METTL8: variants seen among roughly 807,000 people sequenced by gnomAD.
METTL8 encodes tRNA N(3)-cytidine methyltransferase METTL8, mitochondrial.
Under a neutral mutation model 48.7 loss-of-function variants are expected in METTL8, and 32 were observed. The ratio of observed to expected loss-of-function variants is 0.66; its 90% CI spans 0.50 to 0.88. METTL8 has a LOEUF of 0.88. METTL8 is among the 40% of genes least tolerant of loss of function. The pLI is 0.00. For missense variants in METTL8, 464 were observed against 474.4 expected, an observed-to-expected ratio of 0.98 and a Z score of 0.20; for synonymous variants, 136 against 157.1, an observed-to-expected ratio of 0.87 and a Z score of 1.01.
At chr2:171,434,686 C>T, upstream of METTL8, 2 of 1,500,114 alleles carry the variant, frequency 1.3e-6, no homozygotes, top group Non-Finnish European at 1.8e-6. Context: ...GGGCATCCTG[C>T]GGGCGCTGGT....
In METTL8 at chr2:171,385,409, A is replaced by C. The variant is rs1159103191; in HGVS notation, c.143+6634T>G. Among the ~76,000 whole-genome samples the C allele has an allele frequency of 2.0e-5, 3 of 152,214 alleles. No individual in the cohort carries two copies. In the East Asian group the frequency reaches 5.8e-4, roughly 29 times the overall value. On this transcript the variant is annotated intron_variant, in intron 2 of 9. Transcript: ENST00000375258. The stretch of plus-strand genomic sequence containing the variant: ...AATATAAAGGAGAAAATAAGGAAGA[A>C]AACAAAAACTTCTGAACAGAATTTT...
At chr2:171,430,374 A>C (rs1160646689) in intron 1 of METTL8, among the ~76,000 whole-genome samples, 1 of 151,972 alleles carries the variant, frequency 6.6e-6, no homozygotes, top group Non-Finnish European at 1.5e-5. Context: ...AAAAAACAAA[A>C]AAAAAAGGGA....
chr2:171,377,352 A>AAAAATAAATATAAC (rs1687078296), intron 2 of METTL8, among the ~76,000 whole-genome samples: 1 of 152,160 alleles, frequency 6.6e-6, no homozygotes, highest in Non-Finnish European at 1.5e-5. Flanking sequence ...TATAACAACA[A>AAAAATAAATATAAC]AAAATAAATA....
At chr2:171,428,652 G>A (rs950384074) in intron 1 of METTL8, among the ~76,000 whole-genome samples, 1 of 152,186 alleles carries the variant, frequency 6.6e-6, no homozygotes, top group Non-Finnish European at 1.5e-5. Context: ...GCCCAGGTTA[G>A]TTGAGAAGAC....
rs758422964 is a variant in METTL8, at chr2:171,360,513, C to T, written c.144G>A (p.Trp48Ter). 3 of 1,609,054 alleles carry T rather than the reference C, an allele frequency of 1.9e-6. No individual in the cohort carries two copies. The highest frequency in any genetic ancestry group is 2.5e-6 in the Non-Finnish European group (3 of 1,178,762). ...DPAKVFEHNM[W>*]DHMQWSKEEE... Reference sequence around the variant, plus strand: ...CTTCCTTAGACCACTGCATGTGATCCCTATTAAAAAAAAATAGACTGTAAA... The same window carrying T: ...CTTCCTTAGACCACTGCATGTGATCTCTATTAAAAAAAAATAGACTGTAAA... Residue 48 changes from tryptophan (W) to a stop codon, truncating the protein, a stop_gained and splice_region_variant, in exon 3 of 10, where the codon TGG becomes TGA. Coordinates refer to ENST00000375258, the MANE Select transcript of METTL8 (RefSeq NM_001321154.2). LOFTEE classifies it high-confidence loss of function.
At chr2:171,363,814 A>ATATATATGTATATATATATATATATC (rs1450355003) in intron 2 of METTL8, among the ~76,000 whole-genome samples, 2 of 131,182 alleles carry the variant, frequency 1.5e-5, no homozygotes, top group African/African-American at 5.5e-5. Flanking sequence ...ATATATATAT[A>ATATATATGTATATATATATATATATC]TCTTTTTTTT....
intron 1 of METTL8, among the ~76,000 whole-genome samples, chr2:171,415,985 G>C (rs1268421814): frequency 2.0e-5 from 3 of 152,194 alleles, no homozygotes; most frequent in African/African-American, 7.2e-5. Flanking sequence ...AAGGGTAACA[G>C]GAGAATGTGG....
At chr2:171,331,930 G>A in intron 5 of METTL8, 63 bp from the exon 6 acceptor site, 2 of 1,256,820 alleles carry the variant, frequency 1.6e-6, no homozygotes, top group Non-Finnish European at 2.3e-6. Flanking sequence ...CTGTTGCCCA[G>A]GTTGGAGTGT....
At chr2:171,333,574 A>T (rs1226027287) in intron 5 of METTL8, among the ~76,000 whole-genome samples, 1 of 152,262 alleles carries the variant, frequency 6.6e-6, no homozygotes, top group Non-Finnish European at 1.5e-5. Context: ...GTTAAAACTC[A>T]TACTGCTTGG....
In METTL8 at chr2:171,316,068, A is replaced by T. The variant is rs79259185; in HGVS notation, c.*8104T>A. Among the ~76,000 whole-genome samples the T allele has an allele frequency of 6.6e-6, 1 of 152,382 alleles. No individual in the cohort carries two copies. Among genetic ancestry groups the T allele is most frequent in the East Asian group, 1.9e-4 (1 of 5,192 alleles). ...TATTCTCGAGAGCTTCCTCGTGCAC[A>T]TGATCAGCTTTTGCACATGCTTGGA... On this transcript the variant is annotated 3_prime_UTR_variant, in exon 10 of 10. Coordinates refer to ENST00000375258, the MANE Select transcript of METTL8 (RefSeq NM_001321154.2).
At chr2:171,340,059 G>T (rs1686556634) in intron 3 of METTL8, among the ~76,000 whole-genome samples, 1 of 151,770 alleles carries the variant, frequency 6.6e-6, no homozygotes, top group African/African-American at 2.4e-5. Context: ...TTAGCCGGAG[G>T]TGGTGGCAGG....
intron 1 of METTL8, among the ~76,000 whole-genome samples, chr2:171,407,933 A>G (rs988466286): frequency 3.9e-5 from 6 of 152,264 alleles, no homozygotes; most frequent in Admixed American, 3.9e-4. Context: ...GGGAAGACAC[A>G]TAGCACACAA....
intron 5 of METTL8, among the ~76,000 whole-genome samples, chr2:171,337,238 C>T (rs974112310): frequency 2.6e-5 from 4 of 152,164 alleles, no homozygotes; most frequent in African/African-American, 9.7e-5. Flanking sequence ...CAATGATGGA[C>T]AACCCATGGC....
At chr2:171,400,338 C>T (rs1415690692) in intron 1 of METTL8, among the ~76,000 whole-genome samples, 1 of 152,086 alleles carries the variant, frequency 6.6e-6, no homozygotes, top group Non-Finnish European at 1.5e-5. Context: ...CACCCATTTG[C>T]CTTCTACTTT....
intron 1 of METTL8, among the ~76,000 whole-genome samples, chr2:171,395,837 C>T (rs1260737043): frequency 6.6e-6 from 1 of 152,256 alleles, no homozygotes; most frequent in African/African-American, 2.4e-5. Context: ...AAGATTTGAA[C>T]ATTATTAACT....
chr2:171,340,642 T>C (rs1362855336), intron 3 of METTL8, among the ~76,000 whole-genome samples: 1 of 152,118 alleles, frequency 6.6e-6, no homozygotes, highest in Non-Finnish European at 1.5e-5. Flanking sequence ...AAATGCAAAT[T>C]GGTGATCAGA....
chr2:171,416,642 AC>A (rs1222471752), intron 1 of METTL8, among the ~76,000 whole-genome samples: 1 of 152,256 alleles, frequency 6.6e-6, no homozygotes, highest in Non-Finnish European at 1.5e-5. Flanking sequence ...TCTTATTTGT[AC>A]AGATTTTATA....
intron 2 of METTL8, among the ~76,000 whole-genome samples, chr2:171,362,204 G>T (rs547280029): frequency 3.5e-4 from 54 of 152,148 alleles, no homozygotes; most frequent in Non-Finnish European, 6.9e-4. Flanking sequence ...GAGGAAAAGC[G>T]ACCAATTAGA....
At chr2:171,415,595 C>A (rs1397353017) in intron 1 of METTL8, among the ~76,000 whole-genome samples, 1 of 151,996 alleles carries the variant, frequency 6.6e-6, no homozygotes, top group African/African-American at 2.4e-5. Flanking sequence ...TGTGATCCAC[C>A]CGCCTTGGCC....
Sources: gnomAD v4.1 joint callset for allele counts (sites outside exome capture counted in the v4.1 genomes callset) on GRCh38, gnomAD v4.1.1 for gene constraint, MANE v1.5 for transcripts, NCBI Gene and HGNC (gene_info 2026-07-23, HGNC 2026-07-21) for gene names.